A2M: variants seen among roughly 807,000 people sequenced by gnomAD.
A2M encodes the protein C3 and PZP-like alpha-2-macroglobulin domain-containing protein 5.
A2M carries 128 observed loss-of-function variants against 183.9 expected under a neutral mutation model. The observed-to-expected ratio is 0.70, with a 90% CI of 0.60 to 0.81. A2M has a LOEUF of 0.81. Ranked by LOEUF, A2M falls within the 30% of genes least tolerant of loss-of-function variation. The pLI, the probability that A2M is intolerant of heterozygous loss-of-function variation, is 0.00. For synonymous variants in A2M, 592 were observed against 670.8 expected, an observed-to-expected ratio of 0.88 and a Z score of 1.81; for missense variants, 1,495 against 1,787.6, an observed-to-expected ratio of 0.84 and a Z score of 2.95.
At chr12:9,073,173 A>G (rs1234731933) in intron 29 of A2M, among the ~76,000 whole-genome samples, 2 of 152,206 alleles carry the variant, frequency 1.3e-5, no homozygotes, top group Non-Finnish European at 1.5e-5. Flanking sequence ...GCAATCAGTT[A>G]TTGGCATCAG....
rs773755287 is a variant in A2M at position 9,077,904 on chromosome 12, T to G, written c.3120-47A>C. On this transcript the variant is annotated intron_variant, in intron 25 of 35. Coordinates refer to ENST00000318602, the MANE Select transcript of A2M (RefSeq NM_000014.6). ...ATGATGTTTATGTTGTCAAAATGGT[T>G]TTATAACCACTTCACAGCAACAGGC... 19 of 1,612,200 alleles carry G rather than the reference T, an allele frequency of 1.2e-5. No homozygotes were observed. The Admixed American group carries it at 2.8e-4, about 24-fold the overall frequency.
At chr12:9,089,479 A>G (rs967294654) in intron 21 of A2M, among the ~76,000 whole-genome samples, 1 of 152,184 alleles carries the variant, frequency 6.6e-6, no homozygotes, top group Non-Finnish European at 1.5e-5. Context: ...GGTGGCTCAC[A>G]CCTATAATCC....
intron 13 of A2M, among the ~76,000 whole-genome samples, chr12:9,100,870 G>A (rs189743117): frequency 2.0e-3 from 303 of 152,272 alleles, no homozygotes; most frequent in Middle Eastern, 3.4e-3. Flanking sequence ...AAAGGCATAA[G>A]AATGATACAA....
In A2M at chr12:9,074,789, A is replaced by G. The variant is rs1268480619; in HGVS notation, c.3533-6T>C. The G allele has an allele frequency of 6.2e-7, 1 of 1,602,036 alleles. No individual in the cohort carries two copies. Among genetic ancestry groups the G allele is most frequent in the Admixed American group, 1.7e-5 (1 of 58,308 alleles). Reference sequence around the variant, plus strand: ...CTCCCAATGGACAGAGTTGTCTTAAAGATGAGAAAAAGATATTTATAAGTG... The same window carrying G: ...CTCCCAATGGACAGAGTTGTCTTAAGGATGAGAAAAAGATATTTATAAGTG... On this transcript the variant is annotated splice_region_variant and splice_polypyrimidine_tract_variant and intron_variant, in intron 28 of 35. Transcript: ENST00000318602.
intron 10 of A2M, 65 bp downstream of exon 10, chr12:9,106,171 C>T: frequency 1.1e-6 from 1 of 946,186 alleles, no homozygotes; most frequent in Non-Finnish European, 1.7e-6. Flanking sequence ...TTAGCACAAA[C>T]CATAACTATT....
chr12:9,101,387 A>G, intron 12 of A2M, 60 bp downstream of exon 12: 3 of 1,432,696 alleles, frequency 2.1e-6, no homozygotes, highest in Non-Finnish European at 2.9e-6. Context: ...CTTCATGATT[A>G]CTTGCTCCAC....
intron 16 of A2M, among the ~76,000 whole-genome samples, 163 bp downstream of exon 16, chr12:9,095,376 A>G (rs1949342137): frequency 6.6e-6 from 1 of 152,248 alleles, no homozygotes; most frequent in South Asian, 2.1e-4. Flanking sequence ...AGCTTAGTTC[A>G]GCAGCTTTTC....
Position 9,071,111 on chromosome 12 carries a change from C to T in A2M, c.4104-533G>A, listed in dbSNP as rs992403177. Among the ~76,000 whole-genome samples, 12 of 151,820 alleles carry T rather than the reference C, an allele frequency of 7.9e-5. No individual in the cohort carries two copies. The South Asian group carries it at 1.0e-3, about 13-fold the overall frequency. On this transcript the variant is annotated intron_variant, in intron 31 of 35. Transcript: ENST00000318602. ...CTGAGATTACAGGCGTGAGCCACCA[C>T]GCCCGGCTGAGGATCTGCATTTTAA...
Position 9,079,668 on chromosome 12 carries a change from T to C in A2M, c.3002A>G (p.Lys1001Arg). The C allele has an allele frequency of 6.2e-7, 1 of 1,613,688 alleles. No individual in the cohort carries two copies. Among genetic ancestry groups the C allele is most frequent in the South Asian group, 1.1e-5 (1 of 91,046 alleles). ...NETQQLTPEI[K>R]SKAIGYLNTG... The stretch of plus-strand genomic sequence containing the variant: ...GTTGAGATAGCCAATGGCCTTGGAC[T>C]TGATCTCTGGAGTAAGCTGCTGTGT... Residue 1001 changes from lysine to arginine, a missense_variant, in exon 24 of 36, where the codon AAG becomes AGG. Coordinates refer to ENST00000318602, the MANE Select transcript of A2M (RefSeq NM_000014.6).
intron 17 of A2M, among the ~76,000 whole-genome samples, chr12:9,093,833 G>A (rs1199535776): frequency 6.6e-6 from 1 of 151,948 alleles, no homozygotes; most frequent in Non-Finnish European, 1.5e-5. Flanking sequence ...GGCCGAGGCC[G>A]AGACGGCGCC....
At chr12:9,107,049 A>T (rs1938347259) in intron 8 of A2M, among the ~76,000 whole-genome samples, 1 of 152,178 alleles carries the variant, frequency 6.6e-6, no homozygotes, top group Admixed American at 6.5e-5. Context: ...TTTGAAATAC[A>T]CAGTACATCT....
At chr12:9,095,904 C>T (rs996073799) in intron 15 of A2M, among the ~76,000 whole-genome samples, 2 of 151,294 alleles carry the variant, frequency 1.3e-5, no homozygotes, top group Non-Finnish European at 3.0e-5. Context: ...GGACTACAGG[C>T]GCCCGCCACC....
chr12:9,109,888 G>T lies in A2M; in HGVS notation c.652C>A (p.Pro218Thr), dbSNP rs765963873. 12 of 1,607,752 alleles carry T rather than the reference G, an allele frequency of 7.5e-6. No homozygotes were observed. In the African/African-American group the frequency reaches 1.3e-4, roughly 18 times the overall value. Residue 218 changes from proline (P) to threonine (T), a missense_variant, in exon 6 of 36, where the codon CCT becomes ACT. Transcript: ENST00000318602. ...ATACCAAATTCCTCCACGGTGAAAG[G>T]GTGCTCTGTCCTTCCACCTGATTTC... Reference protein sequence around the residue: ...QKKSGGRTEHPFTVEEFVLPK... With the variant: ...QKKSGGRTEHTFTVEEFVLPK...
In A2M at chr12:9,106,568, G is replaced by A; in HGVS notation, c.917C>T (p.Thr306Ile). The change falls in exon 9 of 36, where the codon ACC becomes ATC. Residue 306 changes from threonine to isoleucine, a missense_variant. Transcript: ENST00000318602. ...SHGCFYQQVKTKVFQLKRKEY... is the reference protein window; with the variant it reads ...SHGCFYQQVKIKVFQLKRKEY... ...CTTCCTCTTCAGCTGGAAGACCTTGGTTTTTACTTGCTGATAGAAGCAGCC... is the reference window on the plus strand; with the variant it reads ...CTTCCTCTTCAGCTGGAAGACCTTGATTTTTACTTGCTGATAGAAGCAGCC... 1 of 1,590,710 alleles carries A rather than the reference G, an allele frequency of 6.3e-7. No homozygotes were observed. The highest frequency in any genetic ancestry group is 8.6e-7 in the Non-Finnish European group (1 of 1,166,650).
In A2M at chr12:9,102,255, GC is replaced by G. The variant is rs1565598413; in HGVS notation, c.1267-582del. On this transcript the variant is annotated intron_variant, in intron 11 of 35. Transcript: ENST00000318602. ...TTTTGAGACAGGGTTTTGCTCTGGC[GC>G]CCATGCTGGAGTACAGTGGCACAAT... 3.3e-5 allele frequency among the ~76,000 whole-genome samples: 5 copies of G among 152,154 alleles called. No individual in the cohort carries two copies. The South Asian group carries it at 6.2e-4, about 19-fold the overall frequency.
chr12:9,093,536 A>G lies in A2M; in HGVS notation c.2169T>C (p.Val723=), dbSNP rs1361857769. ...MGRGHARLVH[V]EEPHTETVRK... ...GTACGGTCTCCGTGTGAGGCTCTTC[A>G]ACATGCACCAGGCGTGCATGGCCTC... Residue 723 remains valine (V), a synonymous_variant, in exon 18 of 36, where the codon GTT becomes GTC. Coordinates refer to ENST00000318602, the MANE Select transcript of A2M (RefSeq NM_000014.6). 1.2e-6 allele frequency: 2 copies of G among 1,613,130 alleles called. No individual in the cohort carries two copies. The highest frequency in any genetic ancestry group is 3.3e-5 in the Admixed American group (2 of 59,932).
chr12:9,113,709 C>T (rs1938921328), intron 1 of A2M, among the ~76,000 whole-genome samples, 166 bp from the exon 2 acceptor site: 1 of 152,184 alleles, frequency 6.6e-6, no homozygotes, highest in African/African-American at 2.4e-5. Context: ...AGAATTATTT[C>T]CCTTTTCCCT....
chr12:9,092,053 C>T (rs900735474), intron 18 of A2M, among the ~76,000 whole-genome samples: 5 of 152,166 alleles, frequency 3.3e-5, no homozygotes, highest in African/African-American at 2.4e-5. Flanking sequence ...GGAAGGGCTT[C>T]GTCTACCCAC....
At chr12:9,098,177 A>T (rs1043238253) in intron 15 of A2M, among the ~76,000 whole-genome samples, 2 of 152,064 alleles carry the variant, frequency 1.3e-5, no homozygotes, top group Non-Finnish European at 2.9e-5. Flanking sequence ...ATTTTGCATA[A>T]CTGCACTTCT....
Sources: allele counts gnomAD v4.1 joint callset (sites outside exome capture counted in the v4.1 genomes callset), GRCh38; gene constraint gnomAD v4.1.1; transcripts MANE v1.5; gene names NCBI Gene and HGNC (gene_info 2026-07-23, HGNC 2026-07-21).